Variants in SCAF4 observed in about 807,000 individuals in gnomAD.
The protein encoded by SCAF4 is SR-related CTD associated factor 4, also known as SR-related and CTD-associated factor 4.
A neutral mutation model predicts 129.8 loss-of-function variants in SCAF4; 25 were observed. The ratio of observed to expected loss-of-function variants is 0.19; its 90% CI spans 0.14 to 0.27. The LOEUF (loss-of-function observed/expected upper bound fraction) is 0.27. Among genes scored for constraint, SCAF4 ranks in the 10% least tolerant of loss-of-function variants. SCAF4 has a pLI of 1.00. For synonymous variants in SCAF4, 551 were observed against 497.7 expected, an observed-to-expected ratio of 1.11 and a Z score of -1.43; for missense variants, 1,246 against 1,457.1, an observed-to-expected ratio of 0.86 and a Z score of 2.36.
chr21:31,717,839 A>ATATATATATATATG (rs1428324302), intron 1 of SCAF4, among the ~76,000 whole-genome samples: 1 of 87,924 alleles, frequency 1.1e-5, no homozygotes, highest in Non-Finnish European at 2.4e-5. Context: ...ATATATATAT[A>ATATATATATATATG]TATACACACA....
chr21:31,688,541 G>T, intron 15 of SCAF4, 77 bp from the exon 16 acceptor site: 3 of 1,265,492 alleles, frequency 2.4e-6, no homozygotes, highest in South Asian at 2.7e-5. Flanking sequence ...GAAAAATGTT[G>T]ATTATAAAAA....
At chr21:31,691,789 AAATT>A in intron 14 of SCAF4, 24 bp downstream of exon 14, 1 of 1,287,448 alleles carries the variant, frequency 7.8e-7, no homozygotes, top group African/African-American at 1.5e-5. Context: ...TTTAAAAAAA[AAATT>A]AATTATAACA....
At chr21:31,694,766 G>T (rs751693823) in intron 10 of SCAF4, 47 bp downstream of exon 10, 1 of 1,574,198 alleles carries the variant, frequency 6.4e-7, no homozygotes, top group Non-Finnish European at 8.7e-7. Context: ...CTGCATATAA[G>T]TCAAGGCAAC....
At chr21:31,719,405 T>A (rs539293668) in intron 1 of SCAF4, among the ~76,000 whole-genome samples, 1 of 152,368 alleles carries the variant, frequency 6.6e-6, no homozygotes, top group Non-Finnish European at 1.5e-5. Flanking sequence ...GCCCTTATTC[T>A]ATTACCATTT....
At chr21:31,705,298 A>G (rs1339562255) in intron 3 of SCAF4, 125 bp downstream of exon 3, 2 of 496,040 alleles carry the variant, frequency 4.0e-6, no homozygotes, top group African/African-American at 2.0e-5. Flanking sequence ...TCTAGTGATT[A>G]AAAAGAACCT....
intron 1 of SCAF4, among the ~76,000 whole-genome samples, chr21:31,708,573 G>T (rs1329405329): frequency 6.6e-6 from 1 of 152,026 alleles, no homozygotes; most frequent in South Asian, 2.1e-4. Flanking sequence ...TAAGACAGTT[G>T]CTTATTATTG....
At chr21:31,724,921 C>G (rs1329012445) in intron 1 of SCAF4, among the ~76,000 whole-genome samples, 2 of 152,118 alleles carry the variant, frequency 1.3e-5, no homozygotes, top group African/African-American at 4.8e-5. Context: ...GAAATACTTA[C>G]AACAAGAACA....
intron 1 of SCAF4, among the ~76,000 whole-genome samples, chr21:31,723,632 G>C (rs577101876): frequency 8.4e-6 from 1 of 119,448 alleles, no homozygotes; most frequent in Non-Finnish European, 2.0e-5. Flanking sequence ...GTGTGTGTGC[G>C]CGCGCGCGCG....
chr21:31,731,076 G>A (rs959290753), intron 1 of SCAF4, among the ~76,000 whole-genome samples: 1 of 152,210 alleles, frequency 6.6e-6, no homozygotes, highest in Non-Finnish European at 1.5e-5. Flanking sequence ...CCGTTTATTA[G>A]CCCTATTTCC....
chr21:31,689,004 T>C (rs2050194564), intron 15 of SCAF4, among the ~76,000 whole-genome samples: 1 of 152,230 alleles, frequency 6.6e-6, no homozygotes, highest in South Asian at 2.1e-4. Context: ...TGCTCCGTCC[T>C]CTGAGGCTCT....
intron 7 of SCAF4, among the ~76,000 whole-genome samples, chr21:31,700,210 ATTTTATATAT>A (rs912280755): frequency 2.0e-5 from 3 of 149,188 alleles, no homozygotes; most frequent in African/African-American, 4.9e-5. Context: ...ATAATATATA[ATTTTATATAT>A]TTTTATATAT....
chr21:31,682,335 C>A (rs910510189), intron 19 of SCAF4, among the ~76,000 whole-genome samples: 1 of 151,054 alleles, frequency 6.6e-6, no homozygotes, highest in Non-Finnish European at 1.5e-5. Flanking sequence ...GATGAGATTG[C>A]GCCACTGCAC....
In SCAF4 at chr21:31,706,288, T is replaced by G; in HGVS notation, c.100A>C (p.Ile34Leu). 6.3e-7 allele frequency: 1 copy of G among 1,594,368 alleles called. No homozygotes were observed. Among genetic ancestry groups the G allele is most frequent in the East Asian group, 2.2e-5 (1 of 44,794 alleles). The change falls in exon 2 of 20, where the codon ATT becomes CTT. Residue 34 changes from isoleucine (I) to leucine (L), a missense_variant. Around this residue, in one of 6 missense-constraint regions of SCAF4, gnomAD observed 56 missense variants for 139.4 expected, o/e 0.40. Transcript: ENST00000286835. ...TTTATCATTACCTTAATAGCTTTAA[T>G]AGCAGCTTTAGTGATGAGAATCATC... ...AKMILITKAAIKAIKLYKHVV... is the reference protein window; with the variant it reads ...AKMILITKAALKAIKLYKHVV...
In SCAF4 at chr21:31,671,172, C is replaced by A; in HGVS notation, c.*227G>T. 9 of 357,904 alleles carry A rather than the reference C, an allele frequency of 2.5e-5. No homozygotes were observed. The highest frequency in any genetic ancestry group is 4.5e-5 in the East Asian group (1 of 22,400). The allele number at this position is 357,904 out of a possible 1,614,324, so 22.2% of individuals were successfully genotyped here. A position where few individuals can be genotyped will look rare whatever the true frequency, so the allele number is the denominator to read the frequency against. ...ATTTGTAAACTTTTTAAAGTCAAAACTTTTAAAAAGTTACAGCAAAAAGGG... is the reference window on the plus strand; with the variant it reads ...ATTTGTAAACTTTTTAAAGTCAAAAATTTTAAAAAGTTACAGCAAAAAGGG... On this transcript the variant is annotated 3_prime_UTR_variant, in exon 20 of 20. Transcript: ENST00000286835.
intron 19 of SCAF4, among the ~76,000 whole-genome samples, chr21:31,673,953 G>A (rs931422140): frequency 1.3e-5 from 2 of 152,194 alleles, no homozygotes; most frequent in African/African-American, 4.8e-5. Context: ...GGTTCAAGTG[G>A]CCAAGCCAAA....
At chr21:31,712,167 T>G (rs1910257779) in intron 1 of SCAF4, among the ~76,000 whole-genome samples, 1 of 151,718 alleles carries the variant, frequency 6.6e-6, no homozygotes, top group Non-Finnish European at 1.5e-5. Flanking sequence ...AGGTAAGACA[T>G]GGGCCCTCTA....
chr21:31,721,456 T>G (rs2051064970), intron 1 of SCAF4, among the ~76,000 whole-genome samples: 1 of 152,208 alleles, frequency 6.6e-6, no homozygotes, highest in Non-Finnish European at 1.5e-5. Flanking sequence ...CAGGGTATTA[T>G]AATTCTACTT....
intron 1 of SCAF4, among the ~76,000 whole-genome samples, chr21:31,719,771 T>C (rs2051026726): frequency 6.6e-6 from 1 of 152,214 alleles, no homozygotes. Context: ...CCCAAAGTGC[T>C]GGGATTACAG....
chr21:31,712,845 T>A (rs1005044807), intron 1 of SCAF4: 1 of 961,310 alleles, frequency 1.0e-6, no homozygotes, highest in Non-Finnish European at 1.2e-6. Flanking sequence ...CTCCCATTTT[T>A]AAAATAAACA....
Sources: allele counts gnomAD v4.1 joint callset (sites outside exome capture counted in the v4.1 genomes callset), GRCh38; gene constraint gnomAD v4.1.1; regional missense constraint gnomAD v4.1.1; transcripts MANE v1.5; gene names NCBI Gene and HGNC (gene_info 2026-07-23, HGNC 2026-07-21).